The following MRTFA variants were observed in gnomAD, a reference collection of about 807,000 sequenced individuals.
The protein encoded by MRTFA is myocardin-related transcription factor A.
A neutral mutation model predicts 83.5 loss-of-function variants in MRTFA; 20 were observed. The ratio of observed to expected loss-of-function variants is 0.24; its 90% CI spans 0.17 to 0.35. The LOEUF is 0.35. Ranked by LOEUF, MRTFA falls within the 10% of genes least tolerant of loss-of-function variation. The pLI is 1.00. For synonymous variants in MRTFA, 659 were observed against 541.2 expected, an observed-to-expected ratio of 1.22 and a Z score of -3.02; for missense variants, 1,200 against 1,224.7, an observed-to-expected ratio of 0.98 and a Z score of 0.30.
chr22:40,550,873 C>T (rs1478955934), intron 3 of MRTFA, among the ~76,000 whole-genome samples: 4 of 118,046 alleles, frequency 3.4e-5, no homozygotes, highest in Non-Finnish European at 7.0e-5. Flanking sequence ...TTTTTTGAGA[C>T]GGAATTTTGC....
At chr22:40,546,421 T>C (rs1422978976) in intron 3 of MRTFA, among the ~76,000 whole-genome samples, 1 of 152,168 alleles carries the variant, frequency 6.6e-6, no homozygotes, top group Non-Finnish European at 1.5e-5. Context: ...AGGTAAGTCG[T>C]AGATATCCGT....
At chr22:40,503,466 T>C (rs2054530699) in intron 3 of MRTFA, among the ~76,000 whole-genome samples, 1 of 152,210 alleles carries the variant, frequency 6.6e-6, no homozygotes, top group African/African-American at 2.4e-5. Context: ...CCGCCTCGGC[T>C]TCTCAAAGTA....
At chr22:40,460,867 T>C (rs1428391396) in intron 4 of MRTFA, among the ~76,000 whole-genome samples, 1 of 152,098 alleles carries the variant, frequency 6.6e-6, no homozygotes, top group East Asian at 1.9e-4. Flanking sequence ...AAAAGATTAA[T>C]TTGGGACTTA....
chr22:40,535,705 G>C (rs1162247184), intron 3 of MRTFA, among the ~76,000 whole-genome samples: 1 of 152,088 alleles, frequency 6.6e-6, no homozygotes, highest in African/African-American at 2.4e-5. Flanking sequence ...AATGAAACAA[G>C]TTTTCACAGT....
At chr22:40,594,057 C>T (rs906980900) in intron 2 of MRTFA, among the ~76,000 whole-genome samples, 3 of 152,188 alleles carry the variant, frequency 2.0e-5, no homozygotes, top group African/African-American at 7.2e-5. Flanking sequence ...AAGACAGATA[C>T]ATAAGCCAAA....
intron 2 of MRTFA, among the ~76,000 whole-genome samples, chr22:40,574,000 T>C (rs2055833941): frequency 6.6e-6 from 1 of 152,176 alleles, no homozygotes; most frequent in African/African-American, 2.4e-5. Context: ...TCCTCCTGCC[T>C]TGGCCTCCCA....
At chr22:40,562,950 A>C (rs1400397335) in intron 2 of MRTFA, among the ~76,000 whole-genome samples, 1 of 152,110 alleles carries the variant, frequency 6.6e-6, no homozygotes, top group Admixed American at 6.5e-5. Flanking sequence ...ATGGCAAAAA[A>C]TAATTTATGA....
At chr22:40,617,452 C>T (rs536214233) in intron 1 of MRTFA, among the ~76,000 whole-genome samples, 4 of 151,464 alleles carry the variant, frequency 2.6e-5, no homozygotes, top group Non-Finnish European at 4.4e-5. Flanking sequence ...CCTAGCCAGG[C>T]GCGGTGGCTC....
At chr22:40,601,599 T>TTA (rs1294980199) in intron 1 of MRTFA, among the ~76,000 whole-genome samples, 6 of 152,186 alleles carry the variant, frequency 3.9e-5, no homozygotes, top group African/African-American at 1.2e-4. Flanking sequence ...TAGCCTAGTT[T>TTA]TATAATAAGT....
intron 3 of MRTFA, among the ~76,000 whole-genome samples, chr22:40,528,732 T>C (rs977701930): frequency 5.0e-5 from 5 of 100,158 alleles, no homozygotes; most frequent in Non-Finnish European, 2.0e-5. Context: ...AGTGAAACTC[T>C]GCTTCAAAAA....
At chr22:40,601,823 A>G (rs938602886) in intron 1 of MRTFA, among the ~76,000 whole-genome samples, 1 of 152,294 alleles carries the variant, frequency 6.6e-6, no homozygotes, top group Non-Finnish European at 1.5e-5. Flanking sequence ...TAAATAATAT[A>G]AAGCTTGAAG....
At chr22:40,625,539 A>G (rs1441460326) in intron 1 of MRTFA, among the ~76,000 whole-genome samples, 1 of 152,120 alleles carries the variant, frequency 6.6e-6, no homozygotes, top group Non-Finnish European at 1.5e-5. Context: ...TAACTTTGGG[A>G]GGCTGAGGCA....
In MRTFA at chr22:40,419,009, C is replaced by T. The variant is rs1310203959; in HGVS notation, c.1729G>A (p.Gly577Ser). The change falls in exon 12 of 15, where the codon GGT becomes AGT. Residue 577 changes from glycine (G) to serine (S), a missense_variant. By Grantham distance (56) the Gly-to-Ser change is moderately conservative (BLOSUM62 0). Transcript: ENST00000355630. ...GTCAGAGGTGATGTCACCATCTCACCAAAGGTGTCCCCGGGGGTGGAGTTT... is the reference window on the plus strand; with the variant it reads ...GTCAGAGGTGATGTCACCATCTCACTAAAGGTGTCCCCGGGGGTGGAGTTT... The T allele has an allele frequency of 6.2e-7, 1 of 1,612,636 alleles. No homozygotes were observed. The highest frequency in any genetic ancestry group is 1.3e-5 in the African/African-American group (1 of 74,900).
intron 3 of MRTFA, among the ~76,000 whole-genome samples, chr22:40,503,200 A>C (rs2054525397): frequency 6.6e-6 from 1 of 152,210 alleles, no homozygotes; most frequent in Admixed American, 6.5e-5. Context: ...AAATCTGTTC[A>C]TTTGTGCTTC....
Position 40,549,605 on chromosome 22 carries a change from A to C in MRTFA, c.241+2501T>G, listed in dbSNP as rs115671480. Among the ~76,000 whole-genome samples, 760 of 152,300 alleles carry C rather than the reference A, an allele frequency of 5.0e-3. 4 individuals are homozygous for C. The highest frequency in any genetic ancestry group is 0.018 in the African/African-American group (735 of 41,568). On this transcript the variant is annotated intron_variant, in intron 3 of 14. Transcript: ENST00000355630. ...CACAAGGTGGGGAAAGTTCTGGACT[A>C]CTAGTATTTCCTCACTAAGCAGTAG...
chr22:40,429,550 C>G, intron 7 of MRTFA, 56 bp downstream of exon 7: 2 of 1,605,636 alleles, frequency 1.2e-6, no homozygotes, highest in South Asian at 2.2e-5. Flanking sequence ...GCCTGGCACT[C>G]CCTCCCCTCC....
chr22:40,455,651 A>T (rs1219838293), intron 4 of MRTFA, among the ~76,000 whole-genome samples: 1 of 148,778 alleles, frequency 6.7e-6, no homozygotes, highest in African/African-American at 2.5e-5. Context: ...GTCTCAAAAA[A>T]AAAAAAAAAA....
chr22:40,459,830 C>CATATATACATATATATAT (rs1555973837), intron 4 of MRTFA, among the ~76,000 whole-genome samples: 2 of 86,952 alleles, frequency 2.3e-5, no homozygotes, highest in Non-Finnish European at 4.2e-5. Context: ...CACATATATA[C>CATATATACATATATATAT]ATATATATAT....
At chr22:40,500,701 G>C (rs796085246) in intron 3 of MRTFA, among the ~76,000 whole-genome samples, 5 of 143,494 alleles carry the variant, frequency 3.5e-5, no homozygotes, top group Admixed American at 2.1e-4. Context: ...AGAGAGCACC[G>C]GGTTGGGGGT....
Sources: gnomAD v4.1 joint callset for allele counts (sites outside exome capture counted in the v4.1 genomes callset) on GRCh38, gnomAD v4.1.1 for gene constraint, MANE v1.5 for transcripts, NCBI Gene and HGNC (gene_info 2026-07-23, HGNC 2026-07-21) for gene names.